Variants in ZNF565 observed in about 807,000 individuals in gnomAD.
ZNF565 encodes zinc finger protein 565.
A neutral mutation model predicts 39.4 loss-of-function variants in ZNF565; 27 were observed. That is an observed-to-expected ratio of 0.69 (90% CI 0.51 to 0.95). The LOEUF is 0.95. Ranked by LOEUF, ZNF565 falls within the 40% of genes least tolerant of loss-of-function variation. The probability of loss-of-function intolerance (pLI) is 0.00; values close to 1 mark genes in which losing one functional copy is unlikely to be tolerated. For synonymous variants in ZNF565, 185 were observed against 216.6 expected, an observed-to-expected ratio of 0.85 and a Z score of 1.28; for missense variants, 524 against 621.1, an observed-to-expected ratio of 0.84 and a Z score of 1.66.
chr19:36,245,670 A>G lies in ZNF565; in HGVS notation c.-140T>C. 1 of 673,018 alleles carries G rather than the reference A, an allele frequency of 1.5e-6. No homozygotes were observed. Among genetic ancestry groups the G allele is most frequent in the South Asian group, 1.6e-5 (1 of 61,546 alleles). 41.7% of individuals were successfully genotyped at this position (673,018 alleles called of 1,614,324 possible). A position where few individuals can be genotyped will look rare whatever the true frequency, so the allele number is the denominator to read the frequency against. On this transcript the variant is annotated 5_prime_UTR_variant, in exon 1 of 5. Coordinates refer to the ZNF565 transcript ENST00000355114. This position sits in a 1 kb window ranked among gnomAD's most constrained non-coding sequence, Gnocchi z 4.4. The stretch of plus-strand genomic sequence containing the variant: ...GGCAGAGTCTCTGGTGCCCGGGTGA[A>G]TGGGTTCAGGGTCTCTTAAGGACCC...
intron 1 of ZNF565, among the ~76,000 whole-genome samples, chr19:36,212,102 G>T (rs1354229279): frequency 1.3e-5 from 2 of 152,170 alleles, no homozygotes; most frequent in Non-Finnish European, 2.9e-5. Context: ...TTGACCTCGT[G>T]GGTCCCTGGC....
At chr19:36,183,784 A>C in intron 4 of ZNF565, 51 bp from the exon 5 acceptor site, 1 of 1,526,274 alleles carries the variant, frequency 6.6e-7, no homozygotes. Flanking sequence ...CTCTATGAGA[A>C]ATAAAAAATT....
At chr19:36,233,294 C>G (rs1977473209) in intron 1 of ZNF565, among the ~76,000 whole-genome samples, 1 of 152,086 alleles carries the variant, frequency 6.6e-6, no homozygotes, top group African/African-American at 2.4e-5. Flanking sequence ...CTTCAAGAAT[C>G]ACTTGAAGCC....
At chr19:36,194,452 C>G (rs1316775209) in intron 3 of ZNF565, 124 bp from the exon 4 acceptor site, 3 of 639,690 alleles carry the variant, frequency 4.7e-6, no homozygotes, top group Non-Finnish European at 7.6e-6. Flanking sequence ...GATAGGAAGA[C>G]CGAGCTGCCC....
chr19:36,241,603 G>GCCAA (rs1977801838), intron 1 of ZNF565, among the ~76,000 whole-genome samples: 1 of 151,770 alleles, frequency 6.6e-6, no homozygotes, highest in African/African-American at 2.4e-5. Flanking sequence ...GATCAGCCTG[G>GCCAA]CCAACATGGT....
rs1212012243 is a variant in ZNF565, at chr19:36,244,112, G to T, written c.55+1364C>A. ...AGCTGTCAACCAAACCAAGAAAAAA[G>T]ACCCATGGGATCCCATGTCTGTGTG... On this transcript the variant is annotated intron_variant, in intron 1 of 4. Transcript: ENST00000355114. 2.7e-5 allele frequency among the ~76,000 whole-genome samples: 4 copies of T among 147,642 alleles called. No homozygotes were observed. The East Asian group carries it at 8.0e-4, about 30-fold the overall frequency.
At chr19:36,227,962 AC>A (rs1259070059) in intron 1 of ZNF565, among the ~76,000 whole-genome samples, 2 of 151,964 alleles carry the variant, frequency 1.3e-5, no homozygotes, top group African/African-American at 4.8e-5. Flanking sequence ...GGAGTTCGAG[AC>A]CAGCCTGGCC....
intron 1 of ZNF565, among the ~76,000 whole-genome samples, chr19:36,243,494 G>T (rs1437073476): frequency 6.6e-6 from 1 of 152,148 alleles, no homozygotes; most frequent in Non-Finnish European, 1.5e-5. Context: ...GTAATAGCAG[G>T]CAGATGTGAA....
upstream of ZNF565, among the ~76,000 whole-genome samples, chr19:36,219,043 C>T (rs552065852): frequency 1.1e-4 from 17 of 148,774 alleles, no homozygotes; most frequent in Middle Eastern, 4.0e-3. Flanking sequence ...CTCCTGACCT[C>T]GTGATCCGCC....
chr19:36,217,055 CTTTTTTTTTTTT>C (rs752632008), upstream of ZNF565, among the ~76,000 whole-genome samples: 7 of 65,866 alleles, frequency 1.1e-4, no homozygotes, highest in Admixed American at 2.3e-4. Context: ...CAGTCCCTGT[CTTTTTTTTTTTT>C]TTTTTTTTTT....
Position 36,182,673 on chromosome 19 carries a change from A to C in ZNF565, c.1293T>G (p.Val431=), listed in dbSNP as rs1183737244. ...CKECGKAFIR[V]SQLTHHQRIH... is the part of the protein sequence containing the mutation. ...TTCGCTGATGATGAGTCAGTTGTGA[A>C]ACACGAATAAAGGCCTTCCCACATT... Residue 431 remains valine, a synonymous_variant, in exon 5 of 5, where the codon GTT becomes GTG. Coordinates refer to ENST00000304116, the MANE Select transcript of ZNF565 (RefSeq NM_152477.5). 1 of 1,614,052 alleles carries C rather than the reference A, an allele frequency of 6.2e-7. No homozygotes were observed. Among genetic ancestry groups the C allele is most frequent in the African/African-American group, 1.3e-5 (1 of 74,930 alleles).
chr19:36,238,131 T>C (rs1977712131), intron 1 of ZNF565: 1 of 167,116 alleles, frequency 6.0e-6, no homozygotes, highest in Admixed American at 6.5e-5. Flanking sequence ...TCTTATGTAA[T>C]ACTATATATC....
upstream of ZNF565, among the ~76,000 whole-genome samples, chr19:36,215,631 A>T (rs1322654780): frequency 2.0e-5 from 3 of 152,094 alleles, no homozygotes; most frequent in Admixed American, 1.3e-4. Context: ...ATTTCTTTTT[A>T]ATTGGAGTGG....
At chr19:36,194,593 T>C (rs1292329328) in intron 3 of ZNF565, 2 of 477,430 alleles carry the variant, frequency 4.2e-6, no homozygotes, top group Non-Finnish European at 7.6e-6. Flanking sequence ...AGGGTAGTCC[T>C]GAATTATGTG....
At chr19:36,231,922 G>T (rs952837202) in intron 1 of ZNF565, among the ~76,000 whole-genome samples, 1 of 151,146 alleles carries the variant, frequency 6.6e-6, no homozygotes, top group African/African-American at 2.4e-5. Flanking sequence ...AAAAAAAAAG[G>T]CCAGACTCGG....
At chr19:36,218,358 G>C (rs965760249), upstream of ZNF565, among the ~76,000 whole-genome samples, 98 of 151,828 alleles carry the variant, frequency 6.5e-4, no homozygotes, top group African/African-American at 2.3e-3. Flanking sequence ...TTAAATACTA[G>C]TACTTTTTAT....
At chr19:36,194,397 C>CA (rs1439959934) in intron 3 of ZNF565, 69 bp from the exon 4 acceptor site, 30 of 1,296,230 alleles carry the variant, frequency 2.3e-5, no homozygotes, top group Admixed American at 1.2e-4. Flanking sequence ...CCCTGGTCAC[C>CA]ATGGAAAAGA....
chr19:36,232,613 T>TC (rs1977433129), intron 1 of ZNF565, among the ~76,000 whole-genome samples: 2 of 151,152 alleles, frequency 1.3e-5, no homozygotes, highest in Non-Finnish European at 1.5e-5. Flanking sequence ...TTTTTTCTTT[T>TC]TTTTTTTTTT....
At chr19:36,221,259 T>C (rs996529648) in intron 1 of ZNF565, among the ~76,000 whole-genome samples, 3 of 152,022 alleles carry the variant, frequency 2.0e-5, no homozygotes, top group Non-Finnish European at 4.4e-5. Context: ...TTGGGTTCAT[T>C]TGTTGTTTTC....
Sources: allele counts gnomAD v4.1 joint callset (sites outside exome capture counted in the v4.1 genomes callset), GRCh38; gene constraint gnomAD v4.1.1; non-coding constraint Gnocchi (gnomAD v3.1); transcripts MANE v1.5; gene names NCBI Gene and HGNC (gene_info 2026-07-23, HGNC 2026-07-21).